Variants in ZSCAN20 observed in about 807,000 individuals in gnomAD.
The protein encoded by ZSCAN20 is zinc finger and SCAN domain containing 20.
In ZSCAN20, 39 loss-of-function variants were observed where a neutral mutation model predicts 97.1. The ratio of observed to expected loss-of-function variants is 0.40; its 90% CI spans 0.31 to 0.52. The LOEUF (loss-of-function observed/expected upper bound fraction) is 0.52. Ranked by LOEUF, ZSCAN20 falls within the 20% of genes least tolerant of loss-of-function variation. The pLI, the probability that ZSCAN20 is intolerant of heterozygous loss-of-function variation, is 0.49. For missense variants in ZSCAN20, 1,115 were observed against 1,290.4 expected (o/e 0.86, Z 2.08); for synonymous variants, 456 against 467.3 (o/e 0.98, Z 0.31).
chr1:33,491,238 G>A lies in ZSCAN20; in HGVS notation c.980G>A (p.Gly327Asp). ...ATGAAGGTGTCAGGTGTTCACTGGG[G>A]CTATGAGGAGACCAAGACTTTCCTG... is the stretch of plus-strand genomic sequence containing the variant. The part of the protein sequence containing the change: ...EDMKVSGVHW[G>D]YEETKTFLAI... The change falls in exon 6 of 8, where the codon GGC (glycine) becomes GAC (aspartate). Residue 327 changes from glycine (G) to aspartate (D), a missense_variant. Physicochemically the swap from Gly to Asp is moderately conservative, Grantham distance 94. Around this residue, in one of 3 missense-constraint regions of ZSCAN20, gnomAD observed 508 missense variants for 611.2 expected, o/e 0.83. Coordinates refer to ENST00000684572, the MANE Select transcript of ZSCAN20 (RefSeq NM_001377376.1). This position sits in a 1 kb window ranked among gnomAD's most constrained non-coding sequence, Gnocchi z 4.3. The A allele has an allele frequency of 6.2e-7, 1 of 1,614,156 alleles. No homozygotes were observed. Among genetic ancestry groups the A allele is most frequent in the Non-Finnish European group, 8.5e-7 (1 of 1,180,038 alleles).
intron 4 of ZSCAN20, 145 bp downstream of exon 4, chr1:33,489,336 T>G: frequency 9.6e-7 from 1 of 1,044,152 alleles, no homozygotes; most frequent in Non-Finnish European, 1.4e-6. Flanking sequence ...ACCCCCAGCC[T>G]GCTGGGCCCC....
In ZSCAN20 at chr1:33,491,927, G is replaced by C. The variant is rs1299097085; in HGVS notation, c.1444+225G>C. ...AAGCAAACATTTTTAAAGCCTTAAG[G>C]GGCCTCAAAGAGTGAATCCAGTATT... On this transcript the variant is annotated intron_variant, in intron 6 of 7. Transcript: ENST00000684572. This position sits in a 1 kb window ranked among gnomAD's most constrained non-coding sequence, Gnocchi z 4.3. The C allele has an allele frequency of 7.2e-6, 3 of 416,776 alleles. No individual in the cohort carries two copies. Among genetic ancestry groups the C allele is most frequent in the Non-Finnish European group, 1.3e-5 (3 of 238,336 alleles). The allele number at this position is 416,776 out of a possible 1,614,324, so 25.8% of individuals were successfully genotyped here.
intron 2 of ZSCAN20, among the ~76,000 whole-genome samples, chr1:33,484,175 A>G (rs1557438552): frequency 6.6e-6 from 1 of 152,176 alleles, no homozygotes; most frequent in South Asian, 2.1e-4. Context: ...TTTCTTCCCA[A>G]TCTACGTACC....
In ZSCAN20 at chr1:33,494,789, C is replaced by A; in HGVS notation, c.2445C>A (p.Ile815=). ...QSSNLLKHQR[I]HLGGNPDQCS... is the part of the protein sequence containing the mutation. ...CAAACCTTCTGAAACATCAGAGAAT[C>A]CACTTGGGAGGAAATCCTGACCAGT... The change falls in exon 8 of 8, where the codon ATC becomes ATA. Residue 815 remains isoleucine, a synonymous_variant. Transcript: ENST00000684572. 6 of 1,614,094 alleles carry A rather than the reference C, an allele frequency of 3.7e-6. No individual in the cohort carries two copies. Among genetic ancestry groups the A allele is most frequent in the Non-Finnish European group, 5.1e-6 (6 of 1,180,002 alleles).
intron 1 of ZSCAN20, among the ~76,000 whole-genome samples, chr1:33,477,969 A>C (rs1381186810): frequency 6.6e-6 from 1 of 152,062 alleles, no homozygotes; most frequent in Non-Finnish European, 1.5e-5. Flanking sequence ...GAAGGAAGGG[A>C]GGAGACCATT....
At chr1:33,489,931 C>A (rs1284256806) in intron 5 of ZSCAN20, among the ~76,000 whole-genome samples, 1 of 152,180 alleles carries the variant, frequency 6.6e-6, no homozygotes, top group Non-Finnish European at 1.5e-5. Context: ...GGATCTCTCT[C>A]TCAGGCAGAC....
Position 33,480,707 on chromosome 1 carries a change from G to A in ZSCAN20, c.417+1002G>A, listed in dbSNP as rs541429134. On this transcript the variant is annotated intron_variant, in intron 2 of 7. Transcript: ENST00000684572. Reference sequence around the variant, plus strand: ...AACTTATCTAACTTTATATAACTACGTGATAGAGCTGAGGTAAGGGAAATG... The same window carrying A: ...AACTTATCTAACTTTATATAACTACATGATAGAGCTGAGGTAAGGGAAATG... Among the ~76,000 whole-genome samples the A allele has an allele frequency of 4.6e-5, 7 of 152,306 alleles. 1 individual carries two copies. In the South Asian group the frequency reaches 1.4e-3, roughly 32 times the overall value.
intron 1 of ZSCAN20, among the ~76,000 whole-genome samples, chr1:33,476,828 G>C (rs1277509184): frequency 6.6e-6 from 1 of 152,184 alleles, no homozygotes; most frequent in African/African-American, 2.4e-5. Flanking sequence ...AGTAATGTAG[G>C]TAGACAGAAA....
chr1:33,489,036 T>G (rs1652487020), intron 3 of ZSCAN20, 79 bp from the exon 4 acceptor site: 2 of 1,259,676 alleles, frequency 1.6e-6, no homozygotes, highest in South Asian at 2.7e-5. Flanking sequence ...CAAGTGTTAC[T>G]TTTGGAAAGC....
At chr1:33,479,114 GA>G in intron 1 of ZSCAN20, 64 bp from the exon 2 acceptor site, 1 of 643,214 alleles carries the variant, frequency 1.6e-6, no homozygotes. Flanking sequence ...AGATATGGGG[GA>G]AGGGGGAGAA....
rs570456522 is a variant in ZSCAN20 at position 33,499,061 on chromosome 1, G to T, written c.*3585G>T. On this transcript the variant is annotated 3_prime_UTR_variant, in exon 8 of 8. Transcript: ENST00000684572. ...CTAGGGTCCCTCCATGCTAAATAAT[G>T]TAGTCAGGCGCTCTGGGTAGTCCGT... Among the ~76,000 whole-genome samples the T allele has an allele frequency of 6.6e-6, 1 of 152,228 alleles. No individual in the cohort carries two copies. The highest frequency in any genetic ancestry group is 1.5e-5 in the Non-Finnish European group (1 of 68,044).
In ZSCAN20 at chr1:33,493,136, C is replaced by G; in HGVS notation, c.1445-51C>G. 1 of 1,568,232 alleles carries G rather than the reference C, an allele frequency of 6.4e-7. No homozygotes were observed. The highest frequency in any genetic ancestry group is 8.7e-7 in the Non-Finnish European group (1 of 1,145,504). Reference sequence around the variant, plus strand: ...GCAGGTGACTTTATTCTCTGATGACCTAGGCACATCTCATTAAGTCTCACA... The same window carrying G: ...GCAGGTGACTTTATTCTCTGATGACGTAGGCACATCTCATTAAGTCTCACA... On this transcript the variant is annotated intron_variant, in intron 6 of 7. Transcript: ENST00000684572. The surrounding 1 kb of genome is among the most constrained non-coding windows in gnomAD (Gnocchi z 4.3).
chr1:33,479,446 G>A lies in ZSCAN20; in HGVS notation c.158G>A (p.Arg53His), dbSNP rs773256090. The change falls in exon 2 of 8, where the codon CGC becomes CAC. Residue 53 changes from arginine (R) to histidine (H), a missense_variant. Arg to His is a conservative substitution (Grantham distance 29). Around this residue, in one of 3 missense-constraint regions of ZSCAN20, gnomAD observed 508 missense variants for 611.2 expected, o/e 0.83. Transcript: ENST00000684572. ...TCTGGCCCAGAGGCCTCCCGCCAGC[G>A]CTTCAGGCAATTCCAATACAGGGAT... Reference protein sequence around the residue: ...SVSGPEASRQRFRQFQYRDAA... With the variant: ...SVSGPEASRQHFRQFQYRDAA... 7 of 1,614,236 alleles carry A rather than the reference G, an allele frequency of 4.3e-6. No individual in the cohort carries two copies. Among genetic ancestry groups the A allele is most frequent in the African/African-American group, 1.3e-5 (1 of 75,074 alleles).
intron 2 of ZSCAN20, among the ~76,000 whole-genome samples, chr1:33,483,070 A>G (rs1570550861): frequency 1.3e-5 from 2 of 152,298 alleles, no homozygotes; most frequent in East Asian, 3.9e-4. Flanking sequence ...AATTTTAACG[A>G]AGTCCAGCTT....
In ZSCAN20 at chr1:33,493,464, A is replaced by T; in HGVS notation, c.1722A>T (p.Ala574=). 1 of 1,614,212 alleles carries T rather than the reference A, an allele frequency of 6.2e-7. No individual in the cohort carries two copies. The highest frequency in any genetic ancestry group is 1.3e-5 in the African/African-American group (1 of 75,050). Residue 574 remains alanine (A), a synonymous_variant, in exon 7 of 8, where the codon GCA becomes GCT. Coordinates refer to ENST00000684572, the MANE Select transcript of ZSCAN20 (RefSeq NM_001377376.1). This position sits in a 1 kb window ranked among gnomAD's most constrained non-coding sequence, Gnocchi z 4.3. The part of the protein sequence containing the change: ...ELDSLMRARA[A]VRAMGTVREA... Reference sequence around the variant, plus strand: ...ACTCGCTGATGAGGGCTCGGGCTGCAGTCAGGGCCATGGGGACTGTCCGAG... The same window carrying T: ...ACTCGCTGATGAGGGCTCGGGCTGCTGTCAGGGCCATGGGGACTGTCCGAG...
intron 1 of ZSCAN20, among the ~76,000 whole-genome samples, chr1:33,475,477 A>T (rs1651884642): frequency 6.6e-6 from 1 of 152,206 alleles, no homozygotes; most frequent in Non-Finnish European, 1.5e-5. Flanking sequence ...ATTCGCTTGT[A>T]TTAGGGACTG....
At chr1:33,481,907 C>G (rs575310484) in intron 2 of ZSCAN20, among the ~76,000 whole-genome samples, 125 of 152,254 alleles carry the variant, frequency 8.2e-4, no homozygotes, top group African/African-American at 2.7e-3. Context: ...CAATTTTAGG[C>G]TCAAACTCAC....
In ZSCAN20 at chr1:33,473,564, G is replaced by A. The variant is rs183350008; in HGVS notation, c.-111+873G>A. Among the ~76,000 whole-genome samples the A allele has an allele frequency of 4.5e-3, 677 of 152,112 alleles. 7 individuals are homozygous for A. Among genetic ancestry groups the A allele is most frequent in the African/African-American group, 0.015 (641 of 41,480 alleles). On this transcript the variant is annotated intron_variant, in intron 1 of 7. Coordinates refer to ENST00000684572, the MANE Select transcript of ZSCAN20 (RefSeq NM_001377376.1). ...CTCCAGGGCTGTCAAGGTTTTCCTC[G>A]TTTCCTGGGTAGGCCATTTGGTTTT... is the stretch of plus-strand genomic sequence containing the variant.
chr1:33,486,675 A>G (rs544519228), intron 2 of ZSCAN20, among the ~76,000 whole-genome samples: 1 of 152,348 alleles, frequency 6.6e-6, no homozygotes, highest in East Asian at 1.9e-4. Context: ...GGATGGTAAT[A>G]GTTGGAGGCA....
Sources: gnomAD v4.1 joint callset for allele counts (sites outside exome capture counted in the v4.1 genomes callset) on GRCh38, gnomAD v4.1.1 for gene constraint, gnomAD v4.1.1 regional missense constraint, Gnocchi (gnomAD v3.1) non-coding constraint, MANE v1.5 for transcripts, NCBI Gene and HGNC (gene_info 2026-07-23, HGNC 2026-07-21) for gene names.